Variants in RBFOX1 observed in about 807,000 individuals in gnomAD.
The protein encoded by RBFOX1 is RNA binding fox-1 homolog 1.
Under a neutral mutation model 57.7 loss-of-function variants are expected in RBFOX1, and 8 were observed. That is an observed-to-expected ratio of 0.14 (90% CI 0.08 to 0.25). The LOEUF (loss-of-function observed/expected upper bound fraction) is 0.25. Ranked by LOEUF, RBFOX1 falls within the 10% of genes least tolerant of loss-of-function variation. The pLI is 1.00. For synonymous variants in RBFOX1, 326 were observed against 222.4 expected (o/e 1.47, Z -4.15); for missense variants, 611 against 548.5 (o/e 1.11, Z -1.14).
Position 5,635,455 on chromosome 16 carries a change from A to G in RBFOX1, c.318+36494A>G, listed in dbSNP as rs77510897. Among the ~76,000 whole-genome samples the G allele has an allele frequency of 6.3e-3, 965 of 152,308 alleles. 12 individuals carry two copies. The highest frequency in any genetic ancestry group is 0.022 in the African/African-American group (913 of 41,560). The stretch of plus-strand genomic sequence containing the variant: ...TAAGCTGAAAGTTAAAGAGAATGAA[A>G]CTAGGGCCGGGGACTGGAGGGGCTT... On this transcript the variant is annotated intron_variant, in intron 3 of 19. Coordinates refer to the RBFOX1 transcript ENST00000641259.
chr16:5,500,146 T>TTCCCTCCTTCCCTCCA (rs2043140016), intron 2 of RBFOX1, among the ~76,000 whole-genome samples: 1 of 94,966 alleles, frequency 1.1e-5, no homozygotes, highest in African/African-American at 5.1e-5. Context: ...CCTTCCCTCC[T>TTCCCTCCTTCCCTCCA]TCCCTTCCTC....
At chr16:7,671,729 T>C (rs2071505185) in intron 13 of RBFOX1, 4 of 842,376 alleles carry the variant, frequency 4.7e-6, no homozygotes, top group Admixed American at 4.2e-5. Flanking sequence ...AACTGAATTT[T>C]CCAGTTTTAA....
At position 5,262,092 on chromosome 16, in the gene RBFOX1, G is replaced by T. The variant is rs1453500384; in HGVS notation, c.219+21987G>T. Among the ~76,000 whole-genome samples the T allele has an allele frequency of 2.0e-5, 3 of 152,134 alleles. No homozygotes were observed. In the East Asian group the frequency reaches 5.8e-4, roughly 29 times the overall value. On this transcript the variant is annotated intron_variant, in intron 1 of 2. Transcript: ENST00000585867. ...AACGTATTTTGAGATATCAGAGAAG[G>T]GAGCAACTAATTCTATTAATATTTG...
At chr16:7,219,806 A>T (rs2092582053) in intron 4 of RBFOX1, among the ~76,000 whole-genome samples, 1 of 152,204 alleles carries the variant, frequency 6.6e-6, no homozygotes, top group Non-Finnish European at 1.5e-5. Context: ...TGTTTGTGAT[A>T]TGAAAGCATG....
intron 14 of RBFOX1, among the ~76,000 whole-genome samples, chr16:7,688,631 G>C (rs1462105772): frequency 6.6e-6 from 1 of 151,898 alleles, no homozygotes; most frequent in Non-Finnish European, 1.5e-5. Context: ...ACAAAAGTGG[G>C]CTATGAGGGT....
Position 7,324,220 on chromosome 16 carries a change from G to A in RBFOX1, c.28-193927G>A, listed in dbSNP as rs144170664. On this transcript the variant is annotated intron_variant, in intron 4 of 15. Transcript: ENST00000550418. Reference sequence around the variant, plus strand: ...GTATGCCTTGCAAGATGCCAGTCCAGCACACTTAGCTTCTAAAGAGAAAAT... The same window carrying A: ...GTATGCCTTGCAAGATGCCAGTCCAACACACTTAGCTTCTAAAGAGAAAAT... 1.3e-3 allele frequency among the ~76,000 whole-genome samples: 203 copies of A among 152,224 alleles called. 1 individual carries two copies. The highest frequency in any genetic ancestry group is 4.7e-3 in the African/African-American group (197 of 41,536).
intron 3 of RBFOX1, among the ~76,000 whole-genome samples, chr16:6,802,317 G>A (rs773662478): frequency 6.6e-6 from 1 of 152,088 alleles, no homozygotes; most frequent in African/African-American, 2.4e-5. Flanking sequence ...GTCCTGTTGT[G>A]CTTCTCTGGG....
rs201672098 is a variant in RBFOX1, at chr16:5,286,201, A to T, written c.219+46096A>T. 8.3e-4 allele frequency among the ~76,000 whole-genome samples: 126 copies of T among 152,264 alleles called. 1 individual carries two copies. In the East Asian group the frequency reaches 0.022, roughly 27 times the overall value. ...CAATACTAGGGACCATGGGCAGTGT[A>T]TGTGGGCACTGATGATAGCCTGTCT... is the stretch of plus-strand genomic sequence containing the variant. On this transcript the variant is annotated intron_variant, in intron 1 of 2. Transcript: ENST00000585867.
At chr16:7,080,419 T>G (rs1233023947) in intron 4 of RBFOX1, among the ~76,000 whole-genome samples, 1 of 152,204 alleles carries the variant, frequency 6.6e-6, no homozygotes, top group Non-Finnish European at 1.5e-5. Context: ...GTCTTCACTA[T>G]GATTTCAGTG....
At chr16:6,121,556 C>G (rs777180586) in intron 1 of RBFOX1, among the ~76,000 whole-genome samples, 2 of 152,194 alleles carry the variant, frequency 1.3e-5, no homozygotes, top group Non-Finnish European at 2.9e-5. Context: ...CTGACTGTGT[C>G]ACTCCATTTG....
chr16:5,719,443 C>A (rs1425437729), intron 3 of RBFOX1, among the ~76,000 whole-genome samples: 2 of 151,652 alleles, frequency 1.3e-5, no homozygotes, highest in Admixed American at 1.3e-4. Context: ...ATCTCCTGAG[C>A]TCGCGATCCG....
intron 4 of RBFOX1, among the ~76,000 whole-genome samples, chr16:7,079,008 C>A (rs77902930): frequency 0.018 from 2,751 of 151,140 alleles, 99 homozygotes; most frequent in African/African-American, 0.063. Context: ...TTGTGAGGCA[C>A]TGGGAGTTAG....
At position 6,903,656 on chromosome 16, in the gene RBFOX1, G is replaced by T. The variant is rs117637482; in HGVS notation, c.-15-148401G>T. 3.8e-3 allele frequency among the ~76,000 whole-genome samples: 572 copies of T among 152,210 alleles called. 2 individuals carry two copies. The highest frequency in any genetic ancestry group is 6.4e-3 in the Non-Finnish European group (433 of 68,012). On this transcript the variant is annotated intron_variant, in intron 3 of 15. Transcript: ENST00000550418. ...GGGACTGTCCTTTGGATAAGCAGGTGTTCTCTTTACCTAAAAAGAGATGCC... is the reference window on the plus strand; with the variant it reads ...GGGACTGTCCTTTGGATAAGCAGGTTTTCTCTTTACCTAAAAAGAGATGCC...
intron 3 of RBFOX1, among the ~76,000 whole-genome samples, chr16:6,893,873 T>G (rs947497594): frequency 1.4e-4 from 21 of 152,168 alleles, no homozygotes; most frequent in Admixed American, 3.3e-4. Context: ...GGGAATAGTT[T>G]AGGTTGTCTG....
At chr16:6,340,241 C>T (rs72778236) in intron 2 of RBFOX1, among the ~76,000 whole-genome samples, 189 of 152,234 alleles carry the variant, frequency 1.2e-3, no homozygotes, top group Non-Finnish European at 2.0e-3. Context: ...CGACTATCTG[C>T]AGCAAGGGGA....
chr16:5,529,594 T>G (rs1803993707), intron 2 of RBFOX1, among the ~76,000 whole-genome samples: 1 of 149,302 alleles, frequency 6.7e-6, no homozygotes, highest in Non-Finnish European at 1.5e-5. Context: ...GAGATGGAGT[T>G]TTGCTCTTGT....
intron 2 of RBFOX1, among the ~76,000 whole-genome samples, chr16:5,499,372 G>A (rs534582332): frequency 6.6e-6 from 1 of 151,986 alleles, no homozygotes; most frequent in African/African-American, 2.4e-5. Context: ...TCCAGGTCTC[G>A]GATTCCTGTC....
chr16:5,512,166 A>G (rs1033763657), intron 2 of RBFOX1, among the ~76,000 whole-genome samples: 6 of 152,124 alleles, frequency 3.9e-5, no homozygotes, highest in African/African-American at 9.7e-5. Context: ...GATGTGGGCT[A>G]TTGATTGCAT....
At chr16:5,685,796 C>A (rs1183395240) in intron 3 of RBFOX1, among the ~76,000 whole-genome samples, 2 of 152,118 alleles carry the variant, frequency 1.3e-5, no homozygotes, top group African/African-American at 2.4e-5. Context: ...GCAGACAGAA[C>A]CTAACAGATC....
Sources: allele counts gnomAD v4.1 joint callset (sites outside exome capture counted in the v4.1 genomes callset), GRCh38; gene constraint gnomAD v4.1.1; transcripts MANE v1.5; gene names NCBI Gene and HGNC (gene_info 2026-07-23, HGNC 2026-07-21).